The following SEC31A variants were observed in gnomAD, a reference collection of about 807,000 sequenced individuals.
The protein encoded by SEC31A is protein transport protein Sec31A.
A neutral mutation model predicts 151.0 loss-of-function variants in SEC31A; 70 were observed. That is an observed-to-expected ratio of 0.46 (90% CI 0.38 to 0.57). The LOEUF is 0.57. Among genes scored for constraint, SEC31A ranks in the 20% least tolerant of loss-of-function variants. The probability of loss-of-function intolerance (pLI) is 0.00; values close to 1 mark genes in which losing one functional copy is unlikely to be tolerated. For missense variants in SEC31A, 1,330 were observed against 1,471.2 expected, an observed-to-expected ratio of 0.90 and a Z score of 1.57; for synonymous variants, 475 against 505.9, an observed-to-expected ratio of 0.94 and a Z score of 0.82.
rs185629368 is a variant in SEC31A, at chr4:82,844,622, T to C, written c.2503-113A>G. On this transcript the variant is annotated intron_variant, in intron 20 of 26. Transcript: ENST00000395310. ...TATGTTTATTTAAAAAAAAACTTTA[T>C]TGCATAAGAAACATTGCATTTTGCA... 460 of 1,083,562 alleles carry C rather than the reference T, an allele frequency of 4.2e-4. 2 individuals carry two copies. The highest frequency in any genetic ancestry group is 5.2e-4 in the Admixed American group (20 of 38,810). 67.1% of individuals were successfully genotyped at this position (1,083,562 alleles called of 1,614,324 possible). A position where few individuals can be genotyped will look rare whatever the true frequency, so the allele number is the denominator to read the frequency against.
intron 1 of SEC31A, among the ~76,000 whole-genome samples, chr4:82,887,364 T>C (rs1195926686): frequency 6.6e-6 from 1 of 151,554 alleles, no homozygotes; most frequent in African/African-American, 2.4e-5. Flanking sequence ...TTAGCCTTAG[T>C]ACTCAATGTT....
chr4:82,890,623 A>G (rs1475700256), intron 1 of SEC31A: 1 of 448,794 alleles, frequency 2.2e-6, no homozygotes. Flanking sequence ...TAGTTAAATG[A>G]CAGTAGACGT....
rs559704017 is a variant in SEC31A, at chr4:82,831,187, T to C, written c.2969-2129A>G. 7 of 160,814 alleles carry C rather than the reference T, an allele frequency of 4.4e-5. No individual in the cohort carries two copies. In the South Asian group the frequency reaches 1.1e-3, roughly 26 times the overall value. The allele number at this position is 160,814 out of a possible 1,614,324, so 10.0% of individuals were successfully genotyped here. ...TTTTGACAGAGGGAATTTATTTAAG[T>C]TGTTAGATCCAATTAACTCTTAAAC... On this transcript the variant is annotated intron_variant, in intron 22 of 26. Transcript: ENST00000395310.
Position 82,827,593 on chromosome 4 carries a change from G to A in SEC31A, c.3067C>T (p.Pro1023Ser). 1 of 1,614,220 alleles carries A rather than the reference G, an allele frequency of 6.2e-7. No individual in the cohort carries two copies. Among genetic ancestry groups the A allele is most frequent in the Non-Finnish European group, 8.5e-7 (1 of 1,180,026 alleles). ...GGGTCACCCAACGGGTTCATGATTG[G>A]TGATGTGATGGGAACAGGAGGCATG... ...NFMPPVPITSPIMNPLGDPQS... is the reference protein window; with the variant it reads ...NFMPPVPITSSIMNPLGDPQS... The change falls in exon 24 of 27, where the codon CCA becomes TCA. Residue 1023 changes from proline to serine, a missense_variant. Pro to Ser is a moderately conservative substitution (Grantham distance 74). Coordinates refer to ENST00000395310, the MANE Select transcript of SEC31A (RefSeq NM_001077207.4).
chr4:82,835,639 G>C (rs1225024920), intron 22 of SEC31A, among the ~76,000 whole-genome samples: 1 of 151,888 alleles, frequency 6.6e-6, no homozygotes, highest in Admixed American at 6.6e-5. Flanking sequence ...CCACTAAAAC[G>C]CAAAAATTAG....
rs748380685 is a variant in SEC31A at position 82,842,379 on chromosome 4, G to A, written c.2729C>T (p.Thr910Ile). ...APPTSNAYPNTPYISSASSYT... is the reference protein window; with the variant it reads ...APPTSNAYPNIPYISSASSYT... ...GGAAGAAGCAGAAGATATGTAAGGG[G>A]TGTTAGGGTAAGCGTTTGAAGTAGG... is the stretch of plus-strand genomic sequence containing the variant. The change falls in exon 22 of 27, where the codon ACC (threonine) becomes ATC (isoleucine). Residue 910 changes from threonine to isoleucine, a missense_variant. Coordinates refer to ENST00000395310, the MANE Select transcript of SEC31A (RefSeq NM_001077207.4). 6.2e-7 allele frequency: 1 copy of A among 1,614,022 alleles called. No homozygotes were observed. Among genetic ancestry groups the A allele is most frequent in the South Asian group, 1.1e-5 (1 of 91,046 alleles).
intron 17 of SEC31A, 32 bp downstream of exon 17, chr4:82,854,871 A>C: frequency 6.4e-7 from 1 of 1,573,624 alleles, no homozygotes; most frequent in Non-Finnish European, 8.6e-7. Context: ...CCACGTATGT[A>C]AATGCAGTTA....
At chr4:82,828,206 T>G (rs1040453224) in intron 23 of SEC31A, among the ~76,000 whole-genome samples, 1 of 152,072 alleles carries the variant, frequency 6.6e-6, no homozygotes, top group Non-Finnish European at 1.5e-5. Flanking sequence ...ATAGCATTTT[T>G]GAAAGAGGGT....
intron 1 of SEC31A, among the ~76,000 whole-genome samples, chr4:82,888,350 C>CAAAAA (rs1177774222): frequency 5.8e-4 from 15 of 26,066 alleles, no homozygotes; most frequent in Non-Finnish European, 8.3e-4. Context: ...GACTCCGTCT[C>CAAAAA]AAAAAAAAAA....
intron 21 of SEC31A, 109 bp from the exon 22 acceptor site, chr4:82,842,590 A>C: frequency 1.2e-6 from 1 of 853,954 alleles, no homozygotes; most frequent in African/African-American, 1.7e-5. Context: ...TAATCAAAAT[A>C]AGTTACAATC....
At chr4:82,861,483 G>C (rs1734105944) in intron 14 of SEC31A, 148 bp downstream of exon 14, 1 of 564,470 alleles carries the variant, frequency 1.8e-6, no homozygotes, top group Non-Finnish European at 3.3e-6. Flanking sequence ...AGTATAGGTA[G>C]ATAGATTCCT....
At chr4:82,865,977 T>G (rs1578300633) in intron 10 of SEC31A, among the ~76,000 whole-genome samples, 1 of 151,368 alleles carries the variant, frequency 6.6e-6, no homozygotes, top group East Asian at 1.9e-4. Flanking sequence ...CAATTAAAAT[T>G]TTATATTATG....
At chr4:82,882,496 T>C (rs1739620175) in intron 1 of SEC31A, among the ~76,000 whole-genome samples, 1 of 151,242 alleles carries the variant, frequency 6.6e-6, no homozygotes, top group East Asian at 2.0e-4. Context: ...TTATAGTTCT[T>C]CAGTTGAATC....
intron 19 of SEC31A, among the ~76,000 whole-genome samples, chr4:82,850,316 A>G (rs891097149): frequency 1.3e-5 from 2 of 152,146 alleles, no homozygotes; most frequent in African/African-American, 4.8e-5. Context: ...CTAGTATGCC[A>G]AAGTCACCAT....
chr4:82,899,147 T>A (rs1245967633), intron 3 of SEC31A, among the ~76,000 whole-genome samples: 1 of 152,146 alleles, frequency 6.6e-6, no homozygotes, highest in Admixed American at 6.5e-5. Context: ...ACATGAAGTG[T>A]ACAGAGCAGG....
At chr4:82,900,486 T>C in exon 1 of SEC31A, 1 of 359,620 alleles carries the variant, frequency 2.8e-6, no homozygotes, top group Non-Finnish European at 5.1e-6. Flanking sequence ...TGTGCCAGAA[T>C]GGGTGAAAAC....
chr4:82,844,097 T>A (rs1343456643), intron 21 of SEC31A: 4 of 382,608 alleles, frequency 1.0e-5, no homozygotes, highest in Non-Finnish European at 1.8e-5. Context: ...TAAAATTCTG[T>A]TTCTTTATAC....
In SEC31A at chr4:82,875,062, T is replaced by C. The variant is rs547703009; in HGVS notation, c.499-311A>G. Among the ~76,000 whole-genome samples the C allele has an allele frequency of 1.9e-4, 29 of 152,358 alleles. 1 individual carries two copies. The South Asian group carries it at 6.0e-3, about 32-fold the overall frequency. ...TTTGCAACTGCTGCAAGGTAGATTA[T>C]GGACCACAAAGTAGATGTTGGTGAC... On this transcript the variant is annotated intron_variant, in intron 5 of 26. Coordinates refer to ENST00000395310, the MANE Select transcript of SEC31A (RefSeq NM_001077207.4).
At chr4:82,869,571 G>A (rs556433993) in intron 8 of SEC31A, among the ~76,000 whole-genome samples, 1 of 152,178 alleles carries the variant, frequency 6.6e-6, no homozygotes, top group African/African-American at 2.4e-5. Flanking sequence ...TAAGTTCCAT[G>A]AATTTTGAAT....
Sources: gnomAD v4.1 joint callset for allele counts (sites outside exome capture counted in the v4.1 genomes callset) on GRCh38, gnomAD v4.1.1 for gene constraint, MANE v1.5 for transcripts, NCBI Gene and HGNC (gene_info 2026-07-23, HGNC 2026-07-21) for gene names.